GRM7: variants seen among roughly 807,000 people sequenced by gnomAD.
GRM7 encodes the protein metabotropic glutamate receptor 7.
In GRM7, 35 loss-of-function variants were observed where a neutral mutation model predicts 84.5. That is an observed-to-expected ratio of 0.41 (90% CI 0.32 to 0.55). The LOEUF (loss-of-function observed/expected upper bound fraction) is 0.55. Ranked by LOEUF, GRM7 falls within the 20% of genes least tolerant of loss-of-function variation. GRM7 has a pLI of 0.19. For missense variants in GRM7, 1,003 were observed against 1,194.6 expected, an observed-to-expected ratio of 0.84 and a Z score of 2.36; for synonymous variants, 487 against 455.1, an observed-to-expected ratio of 1.07 and a Z score of -0.89.
intron 2 of GRM7, among the ~76,000 whole-genome samples, chr3:7,261,042 C>T (rs1025932105): frequency 5.3e-5 from 8 of 152,112 alleles, no homozygotes; most frequent in South Asian, 2.1e-4. Context: ...CCCTGTGTCC[C>T]GGTCCCTTGG....
chr3:7,492,515 C>T (rs1191524963), intron 7 of GRM7, among the ~76,000 whole-genome samples: 2 of 151,956 alleles, frequency 1.3e-5, no homozygotes, highest in African/African-American at 4.8e-5. Context: ...GGTTGTTGTT[C>T]TATTTACCTA....
intron 7 of GRM7, among the ~76,000 whole-genome samples, chr3:7,536,993 T>G (rs945179498): frequency 6.6e-6 from 1 of 152,160 alleles, no homozygotes; most frequent in Non-Finnish European, 1.5e-5. Flanking sequence ...AAATGTTGCT[T>G]CCATGGGCAA....
At chr3:7,668,346 A>G (rs908138072) in intron 8 of GRM7, among the ~76,000 whole-genome samples, 8 of 152,214 alleles carry the variant, frequency 5.3e-5, no homozygotes, top group Non-Finnish European at 8.8e-5. Flanking sequence ...AACATCACCA[A>G]TTAAGTCCCC....
intron 2 of GRM7, among the ~76,000 whole-genome samples, chr3:7,259,127 C>A (rs937961812): frequency 2.6e-5 from 4 of 152,168 alleles, no homozygotes; most frequent in Admixed American, 6.5e-5. Flanking sequence ...TCTTTTCTAT[C>A]CATTTTTGAT....
intron 4 of GRM7, among the ~76,000 whole-genome samples, chr3:7,312,184 G>A (rs774095303): frequency 2.0e-5 from 3 of 152,076 alleles, no homozygotes; most frequent in Non-Finnish European, 4.4e-5. Context: ...TTTTAACAGC[G>A]GGCAATAAAT....
chr3:7,675,687 A>G (rs1222933134), intron 8 of GRM7, among the ~76,000 whole-genome samples: 1 of 152,194 alleles, frequency 6.6e-6, no homozygotes, highest in African/African-American at 2.4e-5. Flanking sequence ...CATGAATAGG[A>G]GTGGGCTTTA....
chr3:7,453,899 C>G (rs1456640041), intron 6 of GRM7, among the ~76,000 whole-genome samples: 1 of 152,046 alleles, frequency 6.6e-6, no homozygotes, highest in Non-Finnish European at 1.5e-5. Context: ...CAGGACCCTT[C>G]TAAAATGACG....
intron 1 of GRM7, among the ~76,000 whole-genome samples, chr3:6,941,355 T>C (rs1330428509): frequency 6.6e-6 from 1 of 152,198 alleles, no homozygotes; most frequent in Non-Finnish European, 1.5e-5. Flanking sequence ...CTTTGGGAGC[T>C]GAAAACATTG....
intron 1 of GRM7, among the ~76,000 whole-genome samples, chr3:6,940,573 C>A (rs931689632): frequency 6.6e-6 from 1 of 151,032 alleles, no homozygotes; most frequent in African/African-American, 2.4e-5. Context: ...GAGAAATTTA[C>A]AAGTTCATTT....
intron 1 of GRM7, among the ~76,000 whole-genome samples, chr3:7,085,581 T>C (rs1032712157): frequency 1.3e-5 from 2 of 152,154 alleles, no homozygotes; most frequent in African/African-American, 4.8e-5. Context: ...AGAATAACTT[T>C]AGAGATAATT....
chr3:7,086,374 C>T lies in GRM7; in HGVS notation c.520-60078C>T, dbSNP rs113140302. ...CCTATAGAAATACAAGTTAGTATTC[C>T]TTTAAACACACTTTTTTTGTTGTTA... is the stretch of plus-strand genomic sequence containing the variant. On this transcript the variant is annotated intron_variant, in intron 1 of 9. Coordinates refer to ENST00000357716, the MANE Select transcript of GRM7 (RefSeq NM_000844.4). Among the ~76,000 whole-genome samples the T allele has an allele frequency of 2.9e-3, 444 of 151,928 alleles. 4 individuals are homozygous for T. Among genetic ancestry groups the T allele is most frequent in the Non-Finnish European group, 5.0e-3 (341 of 67,932 alleles).
chr3:7,178,463 G>A (rs944257166), intron 2 of GRM7, among the ~76,000 whole-genome samples: 11 of 151,918 alleles, frequency 7.2e-5, no homozygotes, highest in African/African-American at 2.7e-4. Context: ...CCCTATCAAT[G>A]CTGTGTGATT....
intron 1 of GRM7, among the ~76,000 whole-genome samples, chr3:7,022,766 G>A (rs1040469585): frequency 2.6e-5 from 4 of 152,058 alleles, no homozygotes; most frequent in South Asian, 2.1e-4. Flanking sequence ...AACAGGGGTC[G>A]TCTTTGTCCC....
chr3:7,624,441 C>T (rs563089697), intron 8 of GRM7, among the ~76,000 whole-genome samples: 7 of 152,142 alleles, frequency 4.6e-5, no homozygotes, highest in East Asian at 3.9e-4. Flanking sequence ...GCGTTAACTA[C>T]GTAATTATAC....
intron 4 of GRM7, among the ~76,000 whole-genome samples, chr3:7,307,313 T>A (rs529312144): frequency 4.7e-4 from 71 of 152,164 alleles, no homozygotes; most frequent in African/African-American, 1.5e-3. Flanking sequence ...TATGTTATTC[T>A]TTAATTTGGA....
chr3:7,358,986 G>A (rs1288815795), intron 4 of GRM7, among the ~76,000 whole-genome samples: 1 of 151,806 alleles, frequency 6.6e-6, no homozygotes, highest in Admixed American at 6.6e-5. Context: ...GGGCGAGGTG[G>A]CACAAGCCTA....
chr3:7,389,581 T>C (rs1265004463), intron 4 of GRM7, among the ~76,000 whole-genome samples: 1 of 152,138 alleles, frequency 6.6e-6, no homozygotes, highest in Non-Finnish European at 1.5e-5. Flanking sequence ...AGTTAAGTCT[T>C]CTTGTTGAAT....
chr3:7,210,577 T>G (rs1355473210), intron 2 of GRM7, among the ~76,000 whole-genome samples: 1 of 152,170 alleles, frequency 6.6e-6, no homozygotes, highest in Non-Finnish European at 1.5e-5. Context: ...ATGGAAATTT[T>G]TTTTTGTAAT....
intron 1 of GRM7, among the ~76,000 whole-genome samples, chr3:7,086,290 G>T (rs1245860925): frequency 6.6e-6 from 1 of 151,926 alleles, no homozygotes; most frequent in South Asian, 2.1e-4. Flanking sequence ...ATGCATGAGG[G>T]TATATGTGTG....
Sources: gnomAD v4.1 joint callset for allele counts (sites outside exome capture counted in the v4.1 genomes callset) on GRCh38, gnomAD v4.1.1 for gene constraint, MANE v1.5 for transcripts, NCBI Gene and HGNC (gene_info 2026-07-23, HGNC 2026-07-21) for gene names.